Variants in RNF13 observed in about 807,000 individuals in gnomAD.
RNF13 encodes the protein E3 ubiquitin-protein ligase RNF13.
Under a neutral mutation model 37.7 loss-of-function variants are expected in RNF13, and 19 were observed. That is an observed-to-expected ratio of 0.50 (90% CI 0.35 to 0.74). The LOEUF is 0.74. RNF13 is among the 30% of genes least tolerant of loss of function. RNF13 has a pLI of 0.01. For missense variants in RNF13, 375 were observed against 453.0 expected, an observed-to-expected ratio of 0.83 and a Z score of 1.56; for synonymous variants, 144 against 157.8, an observed-to-expected ratio of 0.91 and a Z score of 0.65.
At chr3:149,838,598 A>G (rs537434958) in intron 1 of RNF13, among the ~76,000 whole-genome samples, 34 of 152,336 alleles carry the variant, frequency 2.2e-4, no homozygotes, top group Admixed American at 2.0e-3. Flanking sequence ...GGCTCTGTTT[A>G]GCCACGGCTG....
chr3:149,934,028 G>C (rs537522008), intron 8 of RNF13, among the ~76,000 whole-genome samples: 1 of 152,252 alleles, frequency 6.6e-6, no homozygotes, highest in South Asian at 2.1e-4. Context: ...TCTTTGATGG[G>C]AGACTTTTAA....
intron 4 of RNF13, among the ~76,000 whole-genome samples, chr3:149,888,032 T>G (rs1057209092): frequency 1.3e-5 from 2 of 152,194 alleles, no homozygotes; most frequent in Admixed American, 6.5e-5. Context: ...GAAAATGTAG[T>G]CATTCTCTTC....
chr3:149,913,180 T>C (rs1305257068), intron 7 of RNF13, among the ~76,000 whole-genome samples: 1 of 152,154 alleles, frequency 6.6e-6, no homozygotes, highest in Non-Finnish European at 1.5e-5. Context: ...TTTAGGCCTT[T>C]CCATCAGTTA....
At chr3:149,944,477 C>T (rs1421065339) in intron 8 of RNF13, among the ~76,000 whole-genome samples, 1 of 152,170 alleles carries the variant, frequency 6.6e-6, no homozygotes, top group African/African-American at 2.4e-5. Flanking sequence ...TCTCCAGCAC[C>T]TGTTGTTTCC....
intron 8 of RNF13, among the ~76,000 whole-genome samples, chr3:149,944,215 C>T (rs1026994304): frequency 1.3e-5 from 2 of 152,210 alleles, no homozygotes; most frequent in African/African-American, 4.8e-5. Context: ...TCCAGTCTAT[C>T]ATTGATGGAC....
At chr3:149,929,784 A>G (rs1718990577) in intron 8 of RNF13, among the ~76,000 whole-genome samples, 1 of 152,166 alleles carries the variant, frequency 6.6e-6, no homozygotes, top group South Asian at 2.1e-4. Context: ...TGTTGAAAAG[A>G]CTGTCCTTTC....
At chr3:149,939,882 A>T in intron 8 of RNF13, 1 of 413,926 alleles carries the variant, frequency 2.4e-6, no homozygotes, top group Non-Finnish European at 4.6e-6. Flanking sequence ...GCAGGATGGA[A>T]TCACACCAGG....
chr3:149,920,952 G>A (rs1325361178), intron 7 of RNF13, among the ~76,000 whole-genome samples, 182 bp from the exon 8 acceptor site: 1 of 151,902 alleles, frequency 6.6e-6, no homozygotes, highest in Non-Finnish European at 1.5e-5. Context: ...TAATTCATGG[G>A]TTAACTAATC....
At chr3:149,934,640 T>C (rs1719497449) in intron 8 of RNF13, among the ~76,000 whole-genome samples, 1 of 152,070 alleles carries the variant, frequency 6.6e-6, no homozygotes, top group Admixed American at 6.6e-5. Flanking sequence ...TTCACATATT[T>C]ATAGTTTTCA....
At chr3:149,909,442 A>ATTTTTTTTTTTTTTTTTTTTT (rs35918938) in intron 6 of RNF13, among the ~76,000 whole-genome samples, 1 of 114,448 alleles carries the variant, frequency 8.7e-6, no homozygotes, top group African/African-American at 3.4e-5. Context: ...TGCCTGGTTA[A>ATTTTTTTTTTTTTTTTTTTTT]TTTTTTTTTT....
intron 1 of RNF13, among the ~76,000 whole-genome samples, chr3:149,819,893 G>A (rs1455918395): frequency 6.6e-6 from 1 of 152,138 alleles, no homozygotes; most frequent in Non-Finnish European, 1.5e-5. Flanking sequence ...TTGTTTCAAC[G>A]ATGTAGATCT....
At chr3:149,840,479 C>T (rs1722066719) in intron 1 of RNF13, among the ~76,000 whole-genome samples, 1 of 152,150 alleles carries the variant, frequency 6.6e-6, no homozygotes, top group African/African-American at 2.4e-5. Flanking sequence ...TGTTTGTTAT[C>T]AGCAAGATTT....
chr3:149,933,734 C>T (rs74552433), intron 8 of RNF13, among the ~76,000 whole-genome samples: 1,973 of 151,888 alleles, frequency 0.013, 42 homozygotes, highest in African/African-American at 0.045. Flanking sequence ...TAGGTACCCA[C>T]GACCACGCCT....
At chr3:149,864,730 C>T (rs1261041837) in intron 3 of RNF13, among the ~76,000 whole-genome samples, 2 of 152,070 alleles carry the variant, frequency 1.3e-5, no homozygotes, top group Non-Finnish European at 2.9e-5. Context: ...TAAATGTTTG[C>T]CAATTATGCT....
At chr3:149,823,822 CAT>C (rs1227239179) in intron 1 of RNF13, among the ~76,000 whole-genome samples, 3 of 152,056 alleles carry the variant, frequency 2.0e-5, no homozygotes, top group East Asian at 1.9e-4. Flanking sequence ...AATAAAATAA[CAT>C]GTTAAAATTT....
At chr3:149,834,407 A>G (rs1721382856) in intron 1 of RNF13, among the ~76,000 whole-genome samples, 1 of 152,236 alleles carries the variant, frequency 6.6e-6, no homozygotes, top group Admixed American at 6.5e-5. Context: ...AGAGCAATGG[A>G]ATAGAATAAA....
In RNF13 at chr3:149,886,750, ATCAGGTTGAGT is replaced by A. The variant is rs550947749; in HGVS notation, c.322-8719_322-8709del. Among the ~76,000 whole-genome samples the A allele has an allele frequency of 2.6e-5, 4 of 152,298 alleles. No individual in the cohort carries two copies. In the South Asian group the frequency reaches 8.3e-4, roughly 32 times the overall value. On this transcript the variant is annotated intron_variant, in intron 4 of 9. Transcript: ENST00000392894. ...CTGTGATTTCTCATAGATGCTCTTT[ATCAGGTTGAGT>A]TCACTTCTATTTCTGTTCGTTGAGT...
chr3:149,899,400 G>A (rs929366294), intron 5 of RNF13, among the ~76,000 whole-genome samples: 4 of 152,180 alleles, frequency 2.6e-5, no homozygotes, highest in African/African-American at 9.7e-5. Flanking sequence ...AGTGAGCCGA[G>A]ATCGTGCCAC....
At chr3:149,930,783 T>A (rs1490262417) in intron 8 of RNF13, among the ~76,000 whole-genome samples, 3 of 152,216 alleles carry the variant, frequency 2.0e-5, no homozygotes, top group Non-Finnish European at 2.9e-5. Context: ...TTTGTGTGGC[T>A]TTCGGCAGAT....
Sources: allele counts gnomAD v4.1 joint callset (sites outside exome capture counted in the v4.1 genomes callset), GRCh38; gene constraint gnomAD v4.1.1; transcripts MANE v1.5; gene names NCBI Gene and HGNC (gene_info 2026-07-23, HGNC 2026-07-21).